EHBP1: variants seen among roughly 807,000 people sequenced by gnomAD.
EHBP1 encodes the protein EH domain-binding protein 1.
In EHBP1, 55 loss-of-function variants were observed where a neutral mutation model predicts 144.0. The ratio of observed to expected loss-of-function variants is 0.38; its 90% CI spans 0.31 to 0.48. The LOEUF is 0.48. EHBP1 is among the 20% of genes least tolerant of loss of function. The probability of loss-of-function intolerance (pLI) is 0.98; values close to 1 mark genes in which losing one functional copy is unlikely to be tolerated. For missense variants in EHBP1, 1,200 were observed against 1,364.2 expected, an observed-to-expected ratio of 0.88 and a Z score of 1.90; for synonymous variants, 469 against 472.7, an observed-to-expected ratio of 0.99 and a Z score of 0.10.
At chr2:62,964,332 T>C (rs2153147175) in intron 14 of EHBP1, among the ~76,000 whole-genome samples, 1 of 152,340 alleles carries the variant, frequency 6.6e-6, no homozygotes, top group East Asian at 1.9e-4. Flanking sequence ...CAAGTAATAA[T>C]GGCTGTGGAC....
intron 19 of EHBP1, among the ~76,000 whole-genome samples, chr2:63,037,305 AT>A (rs1028720064): frequency 1.3e-5 from 2 of 152,050 alleles, no homozygotes; most frequent in African/African-American, 4.8e-5. Flanking sequence ...CTTAGTGTTA[AT>A]ATGATCTATC....
intron 10 of EHBP1, among the ~76,000 whole-genome samples, chr2:62,930,631 G>A (rs2153038958): frequency 6.6e-6 from 1 of 152,086 alleles, no homozygotes; most frequent in East Asian, 1.9e-4. Context: ...AAAACTTACT[G>A]CACAGCTACA....
At chr2:62,955,208 T>C (rs2057622045) in intron 13 of EHBP1, among the ~76,000 whole-genome samples, 1 of 152,140 alleles carries the variant, frequency 6.6e-6, no homozygotes, top group Admixed American at 6.5e-5. Context: ...ATACTGTGTT[T>C]ATGAGCAAAT....
At position 62,864,736 on chromosome 2, in the gene EHBP1, A is replaced by C; in HGVS notation, c.763A>C (p.Ile255Leu). The change falls in exon 9 of 23, where the codon ATC (isoleucine) becomes CTC (leucine). Residue 255 changes from isoleucine (I) to leucine (L), a missense_variant. Coordinates refer to ENST00000431489, the MANE Select transcript of EHBP1 (RefSeq NM_001142616.3). ...PFGDPDSEEP[I>L]TETASPRKTE... is the part of the protein sequence containing the mutation. ...CATCTGCTATTATTTTATAGAACCT[A>C]TCACTGAAACAGCTTCACCTAGAAA... 6.2e-7 allele frequency: 1 copy of C among 1,608,526 alleles called. No homozygotes were observed. Among genetic ancestry groups the C allele is most frequent in the South Asian group, 1.1e-5 (1 of 89,646 alleles).
chr2:63,019,332 C>T (rs1019310230), intron 19 of EHBP1, among the ~76,000 whole-genome samples: 1 of 152,284 alleles, frequency 6.6e-6, no homozygotes, highest in Middle Eastern at 3.4e-3. Flanking sequence ...AGAGTATAGA[C>T]TTTAAAATCA....
chr2:63,038,461 C>A (rs1188070839), intron 20 of EHBP1, among the ~76,000 whole-genome samples: 1 of 151,926 alleles, frequency 6.6e-6, no homozygotes, highest in East Asian at 1.9e-4. Flanking sequence ...AGAAAATAGC[C>A]TTATACTTGG....
At chr2:62,893,175 G>A (rs958746927) in intron 10 of EHBP1, among the ~76,000 whole-genome samples, 1 of 152,122 alleles carries the variant, frequency 6.6e-6, no homozygotes, top group Non-Finnish European at 1.5e-5. Context: ...ACAATATATG[G>A]CTTGCCAAAT....
chr2:62,695,775 C>T (rs1299098563), intron 1 of EHBP1, among the ~76,000 whole-genome samples: 1 of 152,102 alleles, frequency 6.6e-6, no homozygotes, highest in African/African-American at 2.4e-5. Flanking sequence ...TGCAGTGGTG[C>T]AGTCACCACT....
At chr2:63,022,693 A>G (rs993618301) in intron 19 of EHBP1, among the ~76,000 whole-genome samples, 2 of 152,114 alleles carry the variant, frequency 1.3e-5, no homozygotes, top group African/African-American at 4.8e-5. Context: ...AACACTTTTC[A>G]TAGGCCTGTA....
chr2:62,946,376 G>T (rs985844318), intron 12 of EHBP1, among the ~76,000 whole-genome samples: 1 of 151,940 alleles, frequency 6.6e-6, no homozygotes, highest in African/African-American at 2.4e-5. Context: ...CTTTTGAAAG[G>T]CTTTATCTTT....
At chr2:62,957,487 G>A (rs908504795) in intron 14 of EHBP1, among the ~76,000 whole-genome samples, 1 of 151,674 alleles carries the variant, frequency 6.6e-6, no homozygotes, top group African/African-American at 2.4e-5. Context: ...ATCATAATGG[G>A]GAACCTAAGA....
intron 2 of EHBP1, among the ~76,000 whole-genome samples, chr2:62,721,438 C>T (rs2036215287): frequency 1.3e-5 from 2 of 152,182 alleles, no homozygotes; most frequent in African/African-American, 4.8e-5. Context: ...ATATTTTATG[C>T]ATTAGAAACC....
chr2:62,915,745 G>T (rs1421417220), intron 10 of EHBP1, among the ~76,000 whole-genome samples: 1 of 151,980 alleles, frequency 6.6e-6, no homozygotes, highest in Non-Finnish European at 1.5e-5. Flanking sequence ...TGTTAATGGG[G>T]TTTGATTAGG....
At chr2:62,781,717 T>A (rs539076509) in intron 5 of EHBP1, among the ~76,000 whole-genome samples, 1 of 152,180 alleles carries the variant, frequency 6.6e-6, no homozygotes, top group African/African-American at 2.4e-5. Context: ...TTTCACTTTT[T>A]AAAGAGTGGT....
chr2:62,844,812 CA>C (rs1263656564), intron 7 of EHBP1, among the ~76,000 whole-genome samples: 1 of 152,184 alleles, frequency 6.6e-6, no homozygotes, highest in African/African-American at 2.4e-5. Flanking sequence ...TTGCAAAGAT[CA>C]CCATGGGGTC....
intron 15 of EHBP1, chr2:62,987,954 G>C (rs140695994): frequency 6.3e-7 from 1 of 1,594,774 alleles, no homozygotes; most frequent in Admixed American, 1.7e-5. Flanking sequence ...TATTGAGATA[G>C]ATACTAACGA....
intron 10 of EHBP1, among the ~76,000 whole-genome samples, chr2:62,932,951 CAAA>C (rs1163755712): frequency 2.2e-5 from 1 of 46,208 alleles, no homozygotes; most frequent in African/African-American, 7.7e-5. Flanking sequence ...GACTCCATCT[CAAA>C]AAAAAAAAAA....
At chr2:62,764,191 T>G in intron 3 of EHBP1, 75 bp from the exon 4 acceptor site, 1 of 1,043,100 alleles carries the variant, frequency 9.6e-7, no homozygotes, top group Non-Finnish European at 1.4e-6. Context: ...ATTGAAGGTA[T>G]CATTTTATTC....
chr2:62,739,197 T>C (rs1370664330), intron 2 of EHBP1, among the ~76,000 whole-genome samples: 2 of 152,228 alleles, frequency 1.3e-5, no homozygotes, highest in Non-Finnish European at 2.9e-5. Flanking sequence ...TTATCTATCA[T>C]ACTGTTTTTC....
Sources: allele counts gnomAD v4.1 joint callset (sites outside exome capture counted in the v4.1 genomes callset), GRCh38; gene constraint gnomAD v4.1.1; transcripts MANE v1.5; gene names NCBI Gene and HGNC (gene_info 2026-07-23, HGNC 2026-07-21).